The following HEMK2 variants were observed in gnomAD, a reference collection of about 807,000 sequenced individuals.
HEMK2 encodes methyltransferase HEMK2.
the HEMK2 span, among the ~76,000 whole-genome samples, chr21:28,760,381 G>C: frequency 6.6e-6 from 1 of 152,164 alleles, no homozygotes; most frequent in Non-Finnish European, 1.5e-5. Flanking sequence ...TGTGGCACAT[G>C]TGATCTTTGC....
the HEMK2 span, among the ~76,000 whole-genome samples, chr21:28,814,260 C>A: frequency 6.6e-6 from 1 of 151,984 alleles, no homozygotes; most frequent in South Asian, 2.1e-4. Flanking sequence ...GAATGTAAGA[C>A]CTAAAACCAT....
At chr21:28,717,208 T>C in the HEMK2 span, among the ~76,000 whole-genome samples, 1 of 152,180 alleles carries the variant, frequency 6.6e-6, no homozygotes, top group South Asian at 2.1e-4. Context: ...CTTCTTTTTA[T>C]GTCTGGTAGA....
At chr21:28,832,214 T>C in the HEMK2 span, among the ~76,000 whole-genome samples, 1 of 152,192 alleles carries the variant, frequency 6.6e-6, no homozygotes, top group Non-Finnish European at 1.5e-5. Flanking sequence ...GGGCAAAAGA[T>C]CTCACATTGT....
chr21:28,743,026 GAA>G, the HEMK2 span, among the ~76,000 whole-genome samples: 2 of 152,158 alleles, frequency 1.3e-5, no homozygotes, highest in East Asian at 3.8e-4. Flanking sequence ...GGAGTGCAAT[GAA>G]ACTGTTCAAA....
the HEMK2 span, among the ~76,000 whole-genome samples, chr21:28,576,027 A>G: frequency 3.9e-5 from 6 of 152,218 alleles, no homozygotes; most frequent in Non-Finnish European, 5.9e-5. Flanking sequence ...GTTTGGGGTT[A>G]TCATGAACAA....
the HEMK2 span, among the ~76,000 whole-genome samples, chr21:28,747,011 T>A: frequency 6.6e-6 from 1 of 152,216 alleles, no homozygotes; most frequent in African/African-American, 2.4e-5. Flanking sequence ...AGAAGCAAGA[T>A]ACCTAGTGAG....
the HEMK2 span, among the ~76,000 whole-genome samples, chr21:28,612,546 C>T: frequency 6.6e-6 from 1 of 152,122 alleles, no homozygotes; most frequent in Non-Finnish European, 1.5e-5. Flanking sequence ...CCACTTTCAC[C>T]ACTTCTATTC....
At chr21:28,761,674 T>C in the HEMK2 span, among the ~76,000 whole-genome samples, 1 of 151,580 alleles carries the variant, frequency 6.6e-6, no homozygotes, top group Admixed American at 6.6e-5. Flanking sequence ...CTGGGAAGGG[T>C]TACTGGTCTC....
the HEMK2 span, among the ~76,000 whole-genome samples, chr21:28,789,310 G>GT: frequency 6.6e-6 from 1 of 152,070 alleles, no homozygotes; most frequent in African/African-American, 2.4e-5. Context: ...TGGCTGTGAG[G>GT]TGCTGAGAAA....
the HEMK2 span, among the ~76,000 whole-genome samples, chr21:28,795,961 A>C: frequency 6.6e-6 from 1 of 152,224 alleles, no homozygotes; most frequent in African/African-American, 2.4e-5. Context: ...CTTACCTTTT[A>C]AAACTGAGTC....
At chr21:28,624,564 T>C in the HEMK2 span, among the ~76,000 whole-genome samples, 1 of 152,216 alleles carries the variant, frequency 6.6e-6, no homozygotes, top group Non-Finnish European at 1.5e-5. Flanking sequence ...CACAGTCATG[T>C]GTCTGGTCCC....
the HEMK2 span, among the ~76,000 whole-genome samples, chr21:28,861,247 A>G: frequency 6.6e-6 from 1 of 152,228 alleles, no homozygotes; most frequent in African/African-American, 2.4e-5. Flanking sequence ...AAGTGGTGGC[A>G]CTCAACTATC....
the HEMK2 span, among the ~76,000 whole-genome samples, chr21:28,658,983 T>A: frequency 1.3e-5 from 2 of 152,090 alleles, no homozygotes; most frequent in Non-Finnish European, 2.9e-5. Context: ...CAGTGTTGAG[T>A]AGGTATAATC....
chr21:28,857,087 A>C, the HEMK2 span, among the ~76,000 whole-genome samples: 1 of 152,224 alleles, frequency 6.6e-6, no homozygotes, highest in East Asian at 1.9e-4. Context: ...AGATTGCCCA[A>C]GATGACCATG....
the HEMK2 span, among the ~76,000 whole-genome samples, chr21:28,884,810 C>A: frequency 6.6e-6 from 1 of 152,110 alleles, no homozygotes; most frequent in African/African-American, 2.4e-5. Context: ...CTGAGTAAAT[C>A]AAATAATACC....
At chr21:28,696,324 G>C in the HEMK2 span, among the ~76,000 whole-genome samples, 1 of 152,170 alleles carries the variant, frequency 6.6e-6, no homozygotes, top group African/African-American at 2.4e-5. Flanking sequence ...CATTCCAAAT[G>C]AAAGAAGTTG....
chr21:28,845,919 A>G, the HEMK2 span, among the ~76,000 whole-genome samples: 1 of 152,114 alleles, frequency 6.6e-6, no homozygotes, highest in African/African-American at 2.4e-5. Context: ...AATACCCAAT[A>G]GGTAGTTTTA....
chr21:28,754,361 C>A, the HEMK2 span, among the ~76,000 whole-genome samples: 1 of 152,212 alleles, frequency 6.6e-6, no homozygotes, highest in East Asian at 1.9e-4. Context: ...GAGCCTACCT[C>A]GTGCCTTGTA....
chr21:28,833,246 C>G, the HEMK2 span, among the ~76,000 whole-genome samples: 1 of 152,214 alleles, frequency 6.6e-6, no homozygotes, highest in Admixed American at 6.5e-5. Flanking sequence ...AGAAATAAAA[C>G]CGCACAGAAT....
Sources: gnomAD v4.1 joint callset for allele counts (sites outside exome capture counted in the v4.1 genomes callset) on GRCh38, gnomAD v4.1.1 for gene constraint, MANE v1.5 for transcripts, NCBI Gene and HGNC (gene_info 2026-07-23, HGNC 2026-07-21) for gene names.